The following RUVBL2 variants were observed in gnomAD, a reference collection of about 807,000 sequenced individuals.
The protein encoded by RUVBL2 is RuvB like AAA ATPase 2.
A neutral mutation model predicts 57.9 loss-of-function variants in RUVBL2; 9 were observed. The ratio of observed to expected loss-of-function variants is 0.16; its 90% CI spans 0.09 to 0.27. RUVBL2 has a LOEUF of 0.27. RUVBL2 is among the 10% of genes least tolerant of loss of function. The probability of loss-of-function intolerance (pLI) is 1.00; values close to 1 mark genes in which losing one functional copy is unlikely to be tolerated. For missense variants in RUVBL2, 456 were observed against 669.6 expected, an observed-to-expected ratio of 0.68 and a Z score of 3.52; for synonymous variants, 278 against 264.6, an observed-to-expected ratio of 1.05 and a Z score of -0.49.
intron 12 of RUVBL2, 116 bp downstream of exon 12, chr19:49,014,719 G>C (rs1188826925): frequency 2.2e-6 from 3 of 1,367,502 alleles, no homozygotes; most frequent in African/African-American, 1.4e-5. Flanking sequence ...ACAGGAGAGA[G>C]GGCTGAGCGG....
At chr19:48,998,221 A>G (rs2039102296) in intron 1 of RUVBL2, among the ~76,000 whole-genome samples, 1 of 152,190 alleles carries the variant, frequency 6.6e-6, no homozygotes, top group Non-Finnish European at 1.5e-5. Flanking sequence ...GATCTAATTC[A>G]GTGAGAGGGC....
chr19:49,006,964 G>T (rs1354007635), intron 4 of RUVBL2, 54 bp from the exon 5 acceptor site: 1 of 1,598,552 alleles, frequency 6.3e-7, no homozygotes, highest in Non-Finnish European at 8.5e-7. Context: ...CAGAGCAGGT[G>T]TCGGGGACCT....
Position 49,011,296 on chromosome 19 carries a change from C to T in RUVBL2, c.987C>T (p.Asn329=). 6.2e-7 allele frequency: 1 copy of T among 1,613,616 alleles called. No individual in the cohort carries two copies. Among genetic ancestry groups the T allele is most frequent in the Non-Finnish European group, 8.5e-7 (1 of 1,179,780 alleles). ...DMAPVLIMAT[N]RGITRIRGTS... ...CGCCTGTCCTGATCATGGCCACCAA[C>T]CGTGGCATCACGCGGTGAGCCGGCT... The change falls in exon 11 of 15, where the codon AAC becomes AAT. Residue 329 remains asparagine, a synonymous_variant. Coordinates refer to ENST00000595090, the MANE Select transcript of RUVBL2 (RefSeq NM_006666.3). This position sits in a 1 kb window ranked among gnomAD's most constrained non-coding sequence, Gnocchi z 4.4.
At position 49,011,345 on chromosome 19, in the gene RUVBL2, G is replaced by A; in HGVS notation, c.1001+35G>A. On this transcript the variant is annotated intron_variant, in intron 11 of 14. Transcript: ENST00000595090. This position sits in a 1 kb window ranked among gnomAD's most constrained non-coding sequence, Gnocchi z 4.4. Reference sequence around the variant, plus strand: ...CTACAGGGGCCTCTGGGGAAAACAGGATGCTCTGGGCAGTGGGTGTGGTCA... The same window carrying A: ...CTACAGGGGCCTCTGGGGAAAACAGAATGCTCTGGGCAGTGGGTGTGGTCA... The A allele has an allele frequency of 6.4e-7, 1 of 1,554,666 alleles. No individual in the cohort carries two copies. The highest frequency in any genetic ancestry group is 8.9e-7 in the Non-Finnish European group (1 of 1,127,950).
At chr19:48,994,479 C>G (rs2039014147) in intron 1 of RUVBL2, 1 of 155,028 alleles carries the variant, frequency 6.5e-6, no homozygotes, top group Non-Finnish European at 1.4e-5. Context: ...GTCATGCTAC[C>G]GTTTTGGCCA....
At chr19:49,008,842 G>T (rs2039338802) in intron 6 of RUVBL2, among the ~76,000 whole-genome samples, 1 of 152,016 alleles carries the variant, frequency 6.6e-6, no homozygotes, top group South Asian at 2.1e-4. Flanking sequence ...AGCTGGGCGT[G>T]GTGGTGGGTG....
intron 1 of RUVBL2, among the ~76,000 whole-genome samples, chr19:48,999,074 C>G (rs992795416): frequency 4.0e-5 from 6 of 151,888 alleles, no homozygotes; most frequent in African/African-American, 1.5e-4. Flanking sequence ...CACCAAATAA[C>G]CAAATATGTG....
intron 7 of RUVBL2, 36 bp from the exon 8 acceptor site, chr19:49,009,937 A>T: frequency 6.2e-7 from 1 of 1,611,838 alleles, no homozygotes; most frequent in South Asian, 1.1e-5. Flanking sequence ...GCTTGGGCCC[A>T]TTCCTTTCCT....
chr19:49,007,031 C>G lies in RUVBL2; in HGVS notation c.279C>G (p.Ala93=), dbSNP rs1254139494. 1 of 1,613,038 alleles carries G rather than the reference C, an allele frequency of 6.2e-7. No individual in the cohort carries two copies. The highest frequency in any genetic ancestry group is 1.3e-5 in the African/African-American group (1 of 75,072). The change falls in exon 5 of 15, where the codon GCC becomes GCG. Residue 93 remains alanine (A), a synonymous_variant. Transcript: ENST00000595090. ...KTAIAMGMAQ[A]LGPDTPFTAI... Reference sequence around the variant, plus strand: ...CCTCCTTCCCAGGCATGGCGCAGGCCCTGGGCCCTGACACGCCATTCACAG... The same window carrying G: ...CCTCCTTCCCAGGCATGGCGCAGGCGCTGGGCCCTGACACGCCATTCACAG...
At chr19:49,015,285 C>T in intron 13 of RUVBL2, 135 bp downstream of exon 13, 6 of 1,268,660 alleles carry the variant, frequency 4.7e-6, no homozygotes, top group Non-Finnish European at 6.5e-6. Context: ...CTCAGGTTGG[C>T]TTCTGTATCA....
chr19:48,993,977 A>C (rs1317596667), intron 1 of RUVBL2, 54 bp downstream of exon 1: 4 of 1,599,698 alleles, frequency 2.5e-6, no homozygotes, highest in Non-Finnish European at 3.4e-6. Context: ...CGAGTTTGAG[A>C]GAGGAGGATG....
intron 11 of RUVBL2, among the ~76,000 whole-genome samples, chr19:49,012,014 C>T (rs1037250123): frequency 6.6e-5 from 10 of 152,154 alleles, no homozygotes; most frequent in Non-Finnish European, 1.2e-4. Flanking sequence ...CATTTTGGCC[C>T]GCAGGAAGCA....
At chr19:49,004,110 T>A in intron 3 of RUVBL2, 167 bp from the exon 4 acceptor site, 1 of 786,998 alleles carries the variant, frequency 1.3e-6, no homozygotes, top group South Asian at 1.9e-5. Context: ...AGCGAGATCT[T>A]GTCTCAAAAA....
intron 1 of RUVBL2, among the ~76,000 whole-genome samples, chr19:48,997,376 C>T (rs370704887): frequency 2.1e-3 from 313 of 152,270 alleles, no homozygotes; most frequent in Admixed American, 4.0e-3. Flanking sequence ...ATAACCCCAA[C>T]GCTTTGGGGT....
chr19:49,015,224 T>C (rs1600201566), intron 13 of RUVBL2, 74 bp downstream of exon 13: 1 of 1,556,320 alleles, frequency 6.4e-7, no homozygotes, highest in Non-Finnish European at 8.7e-7. Flanking sequence ...GCTTCCAGGG[T>C]TCCGATTTCA....
intron 3 of RUVBL2, 141 bp from the exon 4 acceptor site, chr19:49,004,136 A>G (rs1234563512): frequency 3.8e-6 from 4 of 1,039,286 alleles, no homozygotes; most frequent in Non-Finnish European, 5.3e-6. Flanking sequence ...AAAAAAAAAA[A>G]AAAAGCAGGG....
chr19:48,999,205 C>T (rs1262229271), intron 1 of RUVBL2, 114 bp from the exon 2 acceptor site: 2 of 1,142,978 alleles, frequency 1.7e-6, no homozygotes, highest in Non-Finnish European at 2.7e-6. Flanking sequence ...CCTGTCCCAT[C>T]GCCTGCCTGT....
chr19:49,007,206 C>A (rs1302245878), intron 5 of RUVBL2, 59 bp downstream of exon 5: 1 of 1,608,538 alleles, frequency 6.2e-7, no homozygotes, highest in African/African-American at 1.3e-5. Context: ...ACCCCGCACC[C>A]CGGGCGGCTC....
At chr19:48,999,432 G>A (rs2039132945) in intron 2 of RUVBL2, 59 bp downstream of exon 2, 1 of 1,578,098 alleles carries the variant, frequency 6.3e-7, no homozygotes, top group Admixed American at 1.7e-5. Flanking sequence ...CCCTGACAGA[G>A]CAAACCTATT....
Sources: gnomAD v4.1 joint callset for allele counts (sites outside exome capture counted in the v4.1 genomes callset) on GRCh38, gnomAD v4.1.1 for gene constraint, Gnocchi (gnomAD v3.1) non-coding constraint, MANE v1.5 for transcripts, NCBI Gene and HGNC (gene_info 2026-07-23, HGNC 2026-07-21) for gene names.